The following SUPT16H variants were observed in gnomAD, a reference collection of about 807,000 sequenced individuals.
The protein encoded by SUPT16H is SPT16 homolog, facilitates chromatin remodeling subunit, also known as FACT complex subunit SPT16.
SUPT16H carries 24 observed loss-of-function variants against 136.2 expected under a neutral mutation model. That is an observed-to-expected ratio of 0.18 (90% confidence interval 0.13 to 0.25). The LOEUF (loss-of-function observed/expected upper bound fraction) is 0.25, where lower values mean the gene tolerates loss of function less well. Among genes scored for constraint, SUPT16H ranks in the 10% least tolerant of loss-of-function variants. The pLI is 1.00. For missense variants in SUPT16H, 623 were observed against 1,270.2 expected (o/e 0.49, Z 7.74); for synonymous variants, 415 against 428.2 (o/e 0.97, Z 0.38).
At chr14:21,373,512 C>T in intron 1 of SUPT16H, 82 bp from the exon 2 acceptor site, 1 of 1,020,716 alleles carries the variant, frequency 9.8e-7, no homozygotes, top group Non-Finnish European at 1.6e-6. Context: ...CTAGGACAGG[C>T]ATAATTTTCT....
intron 3 of SUPT16H, among the ~76,000 whole-genome samples, 194 bp from the exon 4 acceptor site, chr14:21,370,682 C>T (rs1481894655): frequency 6.6e-6 from 1 of 152,162 alleles, no homozygotes; most frequent in Non-Finnish European, 1.5e-5. Context: ...GGTGTGATCA[C>T]AGCTTACTGC....
chr14:21,383,697 G>A (rs1566400386), intron 1 of SUPT16H, 165 bp downstream of exon 1: 2 of 764,354 alleles, frequency 2.6e-6, no homozygotes, highest in Admixed American at 2.0e-5. Flanking sequence ...CTGTTAAGGG[G>A]CAGCGTTCGT....
At position 21,373,327 on chromosome 14, in the gene SUPT16H, A is replaced by C; in HGVS notation, c.159+11T>G. On this transcript the variant is annotated intron_variant, in intron 2 of 25. Transcript: ENST00000216297. ...AACTCTAAGAGCTAAAAATTGCTGT[A>C]AATCTCTCACCTGTAAGGCAGTTGA... 2.5e-6 allele frequency: 4 copies of C among 1,603,624 alleles called. No homozygotes were observed. The highest frequency in any genetic ancestry group is 3.4e-6 in the Non-Finnish European group (4 of 1,170,498).
Position 21,359,604 on chromosome 14 carries a change from G to A in SUPT16H, c.2181C>T (p.Ala727=), listed in dbSNP as rs116488615. 2,409 of 1,613,516 alleles carry A rather than the reference G, an allele frequency of 1.5e-3. 27 individuals are homozygous for A. The African/African-American group carries it at 0.024, about 16-fold the overall frequency. Residue 727 remains alanine, a synonymous_variant, in exon 19 of 26, where the codon GCC becomes GCT. Coordinates refer to ENST00000216297, the MANE Select transcript of SUPT16H (RefSeq NM_007192.4). ...TGTGCCGCTTCTTCCCAAACATGATGGCATTCTGTCGGCATAAAACAGAAA... is the reference window on the plus strand; with the variant it reads ...TGTGCCGCTTCTTCCCAAACATGATAGCATTCTGTCGGCATAAAACAGAAA... The part of the protein sequence containing the change: ...IIVLHFHLKN[A]IMFGKKRHTD...
At chr14:21,357,873 C>A (rs1886468380) in intron 21 of SUPT16H, 54 bp downstream of exon 21, 1 of 1,509,014 alleles carries the variant, frequency 6.6e-7, no homozygotes, top group East Asian at 2.3e-5. Context: ...AACACCTATC[C>A]TTCTTTATTT....
intron 1 of SUPT16H, chr14:21,383,621 A>G (rs979986185): frequency 4.3e-6 from 3 of 704,984 alleles, no homozygotes; most frequent in South Asian, 1.5e-5. Flanking sequence ...GCTGCTATGC[A>G]TGACCAAGGC....
chr14:21,367,733 C>G (rs1886702339), intron 7 of SUPT16H, among the ~76,000 whole-genome samples: 1 of 152,194 alleles, frequency 6.6e-6, no homozygotes, highest in South Asian at 2.1e-4. Flanking sequence ...GAGGGCCTAA[C>G]AAGTCAGAGA....
At position 21,360,526 on chromosome 14, in the gene SUPT16H, G is replaced by A. The variant is rs900395495; in HGVS notation, c.2064C>T (p.Arg688=). ...CTTTGTCTCCTCGAACAGATGTGAA[G>A]CGGAAGCCTGGGGAAAAGAATGAAG... ...GSLEAHVNGF[R]FTSVRGDKVD... The change falls in exon 18 of 26, where the codon CGC becomes CGT. Residue 688 remains arginine (R), a synonymous_variant. Coordinates refer to ENST00000216297, the MANE Select transcript of SUPT16H (RefSeq NM_007192.4). 15 of 1,610,934 alleles carry A rather than the reference G, an allele frequency of 9.3e-6. No individual in the cohort carries two copies. The highest frequency in any genetic ancestry group is 1.3e-5 in the African/African-American group (1 of 74,760).
intron 8 of SUPT16H, 106 bp from the exon 9 acceptor site, chr14:21,365,249 G>T: frequency 1.8e-6 from 2 of 1,093,022 alleles, no homozygotes; most frequent in Non-Finnish European, 2.7e-6. Context: ...AAACATGTTT[G>T]AAATGATTTA....
At position 21,370,442 on chromosome 14, in the gene SUPT16H, T is replaced by C. The variant is rs1268381692; in HGVS notation, c.377A>G (p.Lys126Arg). Reference protein sequence around the residue: ...SSFDKMIEAIKESKNGKKIGV... With the variant: ...SSFDKMIEAIRESKNGKKIGV... ...AATCTTCTTGCCATTCTTGCTTTCTTTAATGGCTTCAATCATTTTGTCAAA... is the reference window on the plus strand; with the variant it reads ...AATCTTCTTGCCATTCTTGCTTTCTCTAATGGCTTCAATCATTTTGTCAAA... Residue 126 changes from lysine to arginine, a missense_variant, in exon 4 of 26, where the codon AAA becomes AGA. By Grantham distance (26) the Lys-to-Arg change is conservative. Coordinates refer to ENST00000216297, the MANE Select transcript of SUPT16H (RefSeq NM_007192.4). 2 of 1,614,176 alleles carry C rather than the reference T, an allele frequency of 1.2e-6. No individual in the cohort carries two copies. Among genetic ancestry groups the C allele is most frequent in the Non-Finnish European group, 1.7e-6 (2 of 1,180,010 alleles).
intron 8 of SUPT16H, among the ~76,000 whole-genome samples, chr14:21,365,637 C>T (rs1374842696): frequency 5.3e-5 from 8 of 152,150 alleles, no homozygotes. Context: ...CTACATAAAG[C>T]TTTGTTTCCC....
intron 14 of SUPT16H, 134 bp downstream of exon 14, chr14:21,362,660 G>A: frequency 1.9e-6 from 2 of 1,035,420 alleles, no homozygotes; most frequent in East Asian, 5.0e-5. Flanking sequence ...CAAGACAAGA[G>A]GGATGTCAGT....
intron 1 of SUPT16H, chr14:21,383,501 G>A (rs1193088970): frequency 1.5e-5 from 9 of 615,894 alleles, no homozygotes; most frequent in Non-Finnish European, 2.6e-5. Flanking sequence ...TGGTTCTGGA[G>A]GGACAGAGCG....
chr14:21,374,041 T>A (rs1349985317), intron 1 of SUPT16H, among the ~76,000 whole-genome samples: 3 of 152,250 alleles, frequency 2.0e-5, no homozygotes, highest in African/African-American at 7.2e-5. Flanking sequence ...ACTAATTTTT[T>A]ATATTCCAAA....
intron 1 of SUPT16H, chr14:21,383,549 T>C: frequency 3.0e-6 from 2 of 672,738 alleles, no homozygotes; most frequent in Non-Finnish European, 5.4e-6. Context: ...CAGCAAGACG[T>C]GACCACGGAG....
At chr14:21,372,751 C>T (rs78373622) in intron 2 of SUPT16H, 29,330 of 420,238 alleles carry the variant, frequency 0.07, 1,656 homozygotes, top group Admixed American at 0.21. Flanking sequence ...TTGTTTAACT[C>T]ACTGTTACTT....
At chr14:21,360,824 G>A in intron 17 of SUPT16H, 22 bp downstream of exon 17, 1 of 1,610,122 alleles carries the variant, frequency 6.2e-7, no homozygotes, top group Non-Finnish European at 8.5e-7. Context: ...GAAAGCCTAG[G>A]TACAGGAGAG....
intron 1 of SUPT16H, among the ~76,000 whole-genome samples, chr14:21,375,074 T>C (rs1186851288): frequency 2.0e-5 from 3 of 151,648 alleles, no homozygotes; most frequent in African/African-American, 4.9e-5. Flanking sequence ...AGTGCAGTGG[T>C]GCAAACTTGG....
chr14:21,380,071 A>C (rs79947424), intron 1 of SUPT16H, among the ~76,000 whole-genome samples: 3,195 of 152,196 alleles, frequency 0.021, 112 homozygotes, highest in African/African-American at 0.074. Flanking sequence ...AAATGGCCAA[A>C]CATTTTTCTA....
Sources: allele counts gnomAD v4.1 joint callset (sites outside exome capture counted in the v4.1 genomes callset), GRCh38; gene constraint gnomAD v4.1.1; transcripts MANE v1.5; gene names NCBI Gene and HGNC (gene_info 2026-07-23, HGNC 2026-07-21).